The following ANKRD62 variants were observed in gnomAD, a reference collection of about 807,000 sequenced individuals.
ANKRD62 encodes ankyrin repeat domain-containing protein 62.
ANKRD62 carries 61 observed loss-of-function variants against 98.8 expected under a neutral mutation model. The ratio of observed to expected loss-of-function variants is 0.62; its 90% CI spans 0.50 to 0.76. The LOEUF is 0.76. Among genes scored for constraint, ANKRD62 ranks in the 30% least tolerant of loss-of-function variants. The pLI, the probability that ANKRD62 is intolerant of heterozygous loss-of-function variation, is 0.00. For missense variants in ANKRD62, 933 were observed against 1,082.9 expected, an observed-to-expected ratio of 0.86 and a Z score of 1.94; for synonymous variants, 341 against 367.9, an observed-to-expected ratio of 0.93 and a Z score of 0.84.
chr18:12,118,731 T>G (rs1909721889), intron 10 of ANKRD62, among the ~76,000 whole-genome samples: 1 of 152,212 alleles, frequency 6.6e-6, no homozygotes, highest in Non-Finnish European at 1.5e-5. Flanking sequence ...CTTTTTAGCA[T>G]GGAGTAATAT....
chr18:12,125,217 T>C (rs1162618828), intron 12 of ANKRD62, among the ~76,000 whole-genome samples: 1 of 152,144 alleles, frequency 6.6e-6, no homozygotes, highest in Non-Finnish European at 1.5e-5. Flanking sequence ...TTAAAGAATT[T>C]CTAGTGGTTT....
chr18:12,133,021 T>C (rs1170497565), downstream of ANKRD62, among the ~76,000 whole-genome samples: 2 of 152,146 alleles, frequency 1.3e-5, no homozygotes, highest in African/African-American at 4.8e-5. Context: ...TATCCATTTC[T>C]AGAATTTTTT....
At chr18:12,159,352 C>T in the ANKRD62 span, among the ~76,000 whole-genome samples, 14 of 152,090 alleles carry the variant, frequency 9.2e-5, no homozygotes, top group Admixed American at 7.9e-4. Context: ...CTGTTCTATC[C>T]TGAAAAATCA....
At chr18:12,172,097 G>A in the ANKRD62 span, among the ~76,000 whole-genome samples, 1 of 152,144 alleles carries the variant, frequency 6.6e-6, no homozygotes, top group Non-Finnish European at 1.5e-5. Flanking sequence ...CTTTAGCTCA[G>A]AGAAGTTTCT....
the ANKRD62 span, among the ~76,000 whole-genome samples, chr18:12,168,058 C>T: frequency 4.3e-3 from 653 of 152,142 alleles, 4 homozygotes; most frequent in Non-Finnish European, 5.0e-3. Flanking sequence ...GGGTAGATTG[C>T]AAAAATTTTC....
At chr18:12,094,577 A>AGGG in intron 1 of ANKRD62, among the ~76,000 whole-genome samples, 1 of 3,144 alleles carries the variant, frequency 3.2e-4, no homozygotes, top group Non-Finnish European at 5.6e-4. Flanking sequence ...TGGTGGGGGT[A>AGGG]GAGTTGGGTG....
chr18:12,138,773 T>A, the ANKRD62 span, among the ~76,000 whole-genome samples: 76 of 152,286 alleles, frequency 5.0e-4, no homozygotes, highest in African/African-American at 1.8e-3. Flanking sequence ...GTTCTTGTTG[T>A]ATTGATCCCT....
chr18:12,099,667 CA>C lies in ANKRD62; in HGVS notation c.809del (p.Asn270IlefsTer8). ...AGCAAACAAGAGATGTAAAAGTCTT[CA>C]AAATAGCAATTCAGGTATGACTTCT... Reference protein sequence around the residue: ...YKANKRCKSLQNSNSEQDLEM... With the variant: ...YKANKRCKSLXNSNSEQDLEM... On this transcript the variant is annotated frameshift_variant, in exon 6 of 14. Transcript: ENST00000587848. LOFTEE classifies it high-confidence loss of function. 1 of 1,479,078 alleles carries C rather than the reference CA, an allele frequency of 6.8e-7. No homozygotes were observed. The highest frequency in any genetic ancestry group is 9.0e-7 in the Non-Finnish European group (1 of 1,114,672). The allele number at this position is 1,479,078 out of a possible 1,614,324, so 91.6% of individuals were successfully genotyped here.
chr18:12,156,467 C>A, the ANKRD62 span, among the ~76,000 whole-genome samples: 5 of 151,950 alleles, frequency 3.3e-5, no homozygotes, highest in Non-Finnish European at 7.4e-5. Context: ...GTTTTTTAAT[C>A]TATGGATTAG....
intron 6 of ANKRD62, chr18:12,102,253 C>T (rs1255802113): frequency 3.9e-6 from 3 of 767,424 alleles, no homozygotes; most frequent in Non-Finnish European, 7.3e-6. Flanking sequence ...AGGAGCAAAA[C>T]ACTGACGACC....
chr18:12,119,033 A>G (rs1295570667), intron 10 of ANKRD62, among the ~76,000 whole-genome samples: 1 of 152,116 alleles, frequency 6.6e-6, no homozygotes, highest in Non-Finnish European at 1.5e-5. Flanking sequence ...TTTTTCTAGG[A>G]CGGTCCTCAG....
chr18:12,108,399 T>C (rs867087032), intron 8 of ANKRD62, among the ~76,000 whole-genome samples: 12 of 152,126 alleles, frequency 7.9e-5, no homozygotes, highest in African/African-American at 2.9e-4. Context: ...TGCCACACTT[T>C]AAAAACATTA....
rs1909344755 is a variant in ANKRD62 at position 12,103,245 on chromosome 18, T to C, written c.891+17T>C. ...CAGCCACAGGTATGTAAAAATTTAA[T>C]TTCAAATTTCTGGTTTTCTTTGGTA... is the stretch of plus-strand genomic sequence containing the variant. On this transcript the variant is annotated intron_variant, in intron 7 of 13. Transcript: ENST00000587848. 1 of 1,323,672 alleles carries C rather than the reference T, an allele frequency of 7.6e-7. No individual in the cohort carries two copies. The highest frequency in any genetic ancestry group is 2.0e-4 in the Middle Eastern group (1 of 5,068). 82.0% of individuals were successfully genotyped at this position (1,323,672 alleles called of 1,614,324 possible). A position where few individuals can be genotyped will look rare whatever the true frequency, so the allele number is the denominator to read the frequency against.
intron 10 of ANKRD62, among the ~76,000 whole-genome samples, chr18:12,117,309 A>T (rs1909685231): frequency 6.6e-6 from 1 of 152,178 alleles, no homozygotes; most frequent in South Asian, 2.1e-4. Context: ...GCCCTAGACA[A>T]CCTGTACAAT....
intron 7 of ANKRD62, among the ~76,000 whole-genome samples, chr18:12,105,772 G>T (rs1025544025): frequency 2.6e-5 from 4 of 152,146 alleles, no homozygotes; most frequent in East Asian, 1.9e-4. Context: ...TTCATTACTT[G>T]ATCAACCCAA....
At chr18:12,125,113 C>A (rs1909859628) in intron 12 of ANKRD62, among the ~76,000 whole-genome samples, 4 of 152,098 alleles carry the variant, frequency 2.6e-5, no homozygotes, top group Admixed American at 2.0e-4. Context: ...AGTGTGTAAA[C>A]CCAGTTTCTA....
intron 12 of ANKRD62, 48 bp from the exon 13 acceptor site, chr18:12,125,412 A>G: frequency 3.6e-6 from 5 of 1,385,098 alleles, no homozygotes; most frequent in Non-Finnish European, 4.7e-6. Flanking sequence ...AAATCATAAT[A>G]TGTCATTTTA....
In ANKRD62 at chr18:12,097,765, C is replaced by T. The variant is rs771418436; in HGVS notation, c.740C>T (p.Ser247Phe). The change falls in exon 5 of 14, where the codon TCT becomes TTT. Residue 247 changes from serine to phenylalanine, a missense_variant. Physicochemically the swap from Ser to Phe is radical, Grantham distance 155 (BLOSUM62 -2). This residue lies in a region of ANKRD62 where 549 missense variants were observed against 587.9 expected (regional missense o/e 0.93). Transcript: ENST00000587848. Reference protein sequence around the residue: ...GWTAEDYAVASKFQAIRGMIS... With the variant: ...GWTAEDYAVAFKFQAIRGMIS... ...ACTGCAGAAGACTACGCTGTTGCTT[C>T]TAAGTTTCAAGCGTAAGTGTTAAAA... 7.6e-5 allele frequency: 116 copies of T among 1,535,492 alleles called. 1 individual carries two copies. The highest frequency in any genetic ancestry group is 3.3e-4 in the Middle Eastern group (2 of 6,000).
the ANKRD62 span, among the ~76,000 whole-genome samples, chr18:12,151,707 CCAA>C: frequency 1.3e-5 from 2 of 152,030 alleles, no homozygotes; most frequent in South Asian, 2.1e-4. Context: ...CAAGAAATAA[CCAA>C]CGTCAGAGCT....
Sources: allele counts gnomAD v4.1 joint callset (sites outside exome capture counted in the v4.1 genomes callset), GRCh38; gene constraint gnomAD v4.1.1; regional missense constraint gnomAD v4.1.1; transcripts MANE v1.5; gene names NCBI Gene and HGNC (gene_info 2026-07-23, HGNC 2026-07-21).